SYCP1: variants seen among roughly 807,000 people sequenced by gnomAD.
The protein encoded by SYCP1 is cancer/testis antigen 8.
Under a neutral mutation model 153.1 loss-of-function variants are expected in SYCP1, and 64 were observed. The observed-to-expected ratio is 0.42, with a 90% CI of 0.34 to 0.51. SYCP1 has a LOEUF of 0.51. Among genes scored for constraint, SYCP1 ranks in the 20% least tolerant of loss-of-function variants. SYCP1 has a pLI of 0.06. For synonymous variants in SYCP1, 384 were observed against 341.8 expected (o/e 1.12, Z -1.36); for missense variants, 997 against 1,049.0 (o/e 0.95, Z 0.68).
intron 17 of SYCP1, among the ~76,000 whole-genome samples, 184 bp from the exon 18 acceptor site, chr1:114,911,295 A>T (rs1237762204): frequency 2.0e-5 from 3 of 152,006 alleles, no homozygotes; most frequent in Non-Finnish European, 4.4e-5. Flanking sequence ...ACTTATACTG[A>T]ATATGTCATT....
intron 6 of SYCP1, 44 bp from the exon 7 acceptor site, chr1:114,859,699 G>A: frequency 1.0e-6 from 1 of 959,478 alleles, no homozygotes; most frequent in Non-Finnish European, 1.4e-6. Context: ...GTTTATTTTT[G>A]CTAATAAGCA....
chr1:114,969,681 C>A (rs1672355643), intron 27 of SYCP1, among the ~76,000 whole-genome samples: 1 of 152,136 alleles, frequency 6.6e-6, no homozygotes, highest in South Asian at 2.1e-4. Flanking sequence ...GTTTCATGTG[C>A]AACTGGGGTA....
chr1:114,869,363 T>C (rs1664966540), intron 8 of SYCP1, among the ~76,000 whole-genome samples: 1 of 152,232 alleles, frequency 6.6e-6, no homozygotes, highest in South Asian at 2.1e-4. Flanking sequence ...TATTATTTAT[T>C]TCTGGTTTAA....
chr1:114,874,825 G>A (rs546085414), intron 9 of SYCP1, among the ~76,000 whole-genome samples: 1 of 152,216 alleles, frequency 6.6e-6, no homozygotes, highest in African/African-American at 2.4e-5. Flanking sequence ...AGCACATTGT[G>A]ACACATAACC....
intron 23 of SYCP1, among the ~76,000 whole-genome samples, chr1:114,937,754 C>G (rs540894235): frequency 6.6e-6 from 1 of 152,218 alleles, no homozygotes; most frequent in Non-Finnish European, 1.5e-5. Context: ...ACAGACACTT[C>G]TCAAAAGAAG....
In SYCP1 at chr1:114,854,935, T is replaced by A. The variant is rs1446360971; in HGVS notation, c.-108T>A. 6.6e-6 allele frequency: 1 copy of A among 152,008 alleles called. No homozygotes were observed. The highest frequency in any genetic ancestry group is 2.4e-5 in the African/African-American group (1 of 41,380). The allele number at this position is 152,008 out of a possible 1,614,324, so 9.4% of individuals were successfully genotyped here. A position where few individuals can be genotyped will look rare whatever the true frequency, so the allele number is the denominator to read the frequency against. ...TTCTGAGGTTCTGAGGCGGGAGCCATTGGTTCTTTCTGTTGCCCTCATAGA... is the reference window on the plus strand; with the variant it reads ...TTCTGAGGTTCTGAGGCGGGAGCCAATGGTTCTTTCTGTTGCCCTCATAGA... On this transcript the variant is annotated 5_prime_UTR_variant, in exon 1 of 32. The change creates a new upstream start codon in the 5' untranslated region. Coordinates refer to ENST00000369522, the MANE Select transcript of SYCP1 (RefSeq NM_003176.4).
chr1:114,942,335 T>C (rs1670441604), intron 23 of SYCP1, among the ~76,000 whole-genome samples: 1 of 151,988 alleles, frequency 6.6e-6, no homozygotes, highest in South Asian at 2.1e-4. Context: ...GATAATTTTA[T>C]ATTAAAAAGT....
intron 23 of SYCP1, among the ~76,000 whole-genome samples, chr1:114,941,399 TTC>T (rs1301836436): frequency 6.6e-6 from 1 of 152,098 alleles, no homozygotes; most frequent in East Asian, 1.9e-4. Context: ...CCATTTTTTA[TTC>T]TGTTTCATGT....
intron 20 of SYCP1, among the ~76,000 whole-genome samples, chr1:114,922,542 C>T (rs1668964548): frequency 6.6e-6 from 1 of 151,970 alleles, no homozygotes; most frequent in Non-Finnish European, 1.5e-5. Context: ...TTTAAACATC[C>T]AAATGTTGCA....
intron 30 of SYCP1, among the ~76,000 whole-genome samples, chr1:114,989,339 A>T (rs180714200): frequency 2.0e-5 from 3 of 152,022 alleles, no homozygotes; most frequent in African/African-American, 2.4e-5. Flanking sequence ...CAATGAAATT[A>T]TATAATATAC....
chr1:114,901,973 G>T (rs904246633), intron 16 of SYCP1, among the ~76,000 whole-genome samples: 2 of 152,146 alleles, frequency 1.3e-5, no homozygotes, highest in African/African-American at 4.8e-5. Flanking sequence ...CTCCACTAGG[G>T]AGAGAAGCAT....
intron 29 of SYCP1, among the ~76,000 whole-genome samples, chr1:114,982,528 T>C (rs1027851773): frequency 6.6e-6 from 1 of 151,864 alleles, no homozygotes; most frequent in Non-Finnish European, 1.5e-5. Context: ...ATTTCAGCTA[T>C]TGTATTTTTT....
chr1:114,915,613 A>G (rs1570762837), intron 20 of SYCP1, among the ~76,000 whole-genome samples: 1 of 152,206 alleles, frequency 6.6e-6, no homozygotes, highest in African/African-American at 2.4e-5. Context: ...CATTCATTCC[A>G]TGGTTGCTAG....
chr1:114,877,751 G>T (rs185904689), intron 11 of SYCP1, among the ~76,000 whole-genome samples: 4 of 152,228 alleles, frequency 2.6e-5, no homozygotes, highest in African/African-American at 9.6e-5. Flanking sequence ...CTTGGCTGAT[G>T]GCATTCTGGA....
At chr1:114,956,851 G>C (rs1570858191) in intron 27 of SYCP1, among the ~76,000 whole-genome samples, 1 of 148,580 alleles carries the variant, frequency 6.7e-6, no homozygotes, top group East Asian at 2.0e-4. Context: ...TAGAATCACT[G>C]AGAACCACAA....
At chr1:114,967,745 G>T (rs540333507) in intron 27 of SYCP1, among the ~76,000 whole-genome samples, 1 of 152,226 alleles carries the variant, frequency 6.6e-6, no homozygotes, top group African/African-American at 2.4e-5. Context: ...TGGTTATTTT[G>T]CCCATTAGTT....
rs1665672830 is a variant in SYCP1 at position 114,878,209 on chromosome 1, G to A, written c.910+7G>A. On this transcript the variant is annotated splice_region_variant and intron_variant, in intron 12 of 31. Coordinates refer to ENST00000369522, the MANE Select transcript of SYCP1 (RefSeq NM_003176.4). ...CAATTAGAGGAAAAGACAAGTAAGA[G>A]TTTATATAAGATAATATAATGTGCC... The A allele has an allele frequency of 2.0e-6, 3 of 1,464,180 alleles. No homozygotes were observed. The Admixed American group carries it at 5.7e-5, about 28-fold the overall frequency. 90.7% of individuals were successfully genotyped at this position (1,464,180 alleles called of 1,614,324 possible).
chr1:114,873,114 A>C lies in SYCP1; in HGVS notation c.599-1392A>C, dbSNP rs547657548. 2.0e-5 allele frequency among the ~76,000 whole-genome samples: 3 copies of C among 152,290 alleles called. No individual in the cohort carries two copies. In the East Asian group the frequency reaches 5.8e-4, roughly 29 times the overall value. On this transcript the variant is annotated intron_variant, in intron 8 of 31. Transcript: ENST00000369522. ...ATATCAATCATAGTTGTTCTAAATT[A>C]CTGGTCTGGGATAATTCTGACATCC...
chr1:114,918,234 G>A (rs1385203954), intron 20 of SYCP1, among the ~76,000 whole-genome samples: 1 of 151,848 alleles, frequency 6.6e-6, no homozygotes, highest in African/African-American at 2.4e-5. Flanking sequence ...TCCCAGCACT[G>A]TGTATCGAGA....
Sources: gnomAD v4.1 joint callset for allele counts (sites outside exome capture counted in the v4.1 genomes callset) on GRCh38, gnomAD v4.1.1 for gene constraint, MANE v1.5 for transcripts, NCBI Gene and HGNC (gene_info 2026-07-23, HGNC 2026-07-21) for gene names.